The following TBC1D14 variants were observed in gnomAD, a reference collection of about 807,000 sequenced individuals.
The protein encoded by TBC1D14 is TBC1 domain family member 14.
TBC1D14 carries 26 observed loss-of-function variants against 79.0 expected under a neutral mutation model. The ratio of observed to expected loss-of-function variants is 0.33; its 90% confidence interval spans 0.24 to 0.46. TBC1D14 has a LOEUF of 0.46. Ranked by LOEUF, TBC1D14 falls within the 20% of genes least tolerant of loss-of-function variation. The pLI is 1.00. For synonymous variants in TBC1D14, 394 were observed against 349.9 expected, an observed-to-expected ratio of 1.13 and a Z score of -1.40; for missense variants, 769 against 887.6, an observed-to-expected ratio of 0.87 and a Z score of 1.70.
chr4:6,924,256 C>G (rs1194903550), intron 2 of TBC1D14, 145 bp downstream of exon 2: 7 of 995,118 alleles, frequency 7.0e-6, no homozygotes, highest in Non-Finnish European at 9.6e-6. Context: ...CCCAGAAGCC[C>G]GGAATCCTGT....
chr4:6,930,638 A>G (rs1165927959), intron 2 of TBC1D14, among the ~76,000 whole-genome samples: 1 of 152,174 alleles, frequency 6.6e-6, no homozygotes, highest in Admixed American at 6.5e-5. Flanking sequence ...TCTTTACTAA[A>G]AATACAAAAA....
chr4:7,007,607 G>GC, intron 9 of TBC1D14: 1 of 1,289,282 alleles, frequency 7.8e-7, no homozygotes, highest in Non-Finnish European at 1.0e-6. Flanking sequence ...AGCTCCAGCA[G>GC]CTTTGGTCCT....
intron 3 of TBC1D14, among the ~76,000 whole-genome samples, chr4:6,976,110 A>C (rs535424069): frequency 1.3e-5 from 2 of 152,292 alleles, no homozygotes; most frequent in African/African-American, 4.8e-5. Context: ...AAAAAACAGA[A>C]ATTATCCAGT....
intron 2 of TBC1D14, among the ~76,000 whole-genome samples, chr4:6,947,023 G>A (rs1205155183): frequency 1.3e-5 from 2 of 152,106 alleles, no homozygotes; most frequent in African/African-American, 4.8e-5. Flanking sequence ...TTTGTACTAA[G>A]TTACATGGGC....
intron 2 of TBC1D14, among the ~76,000 whole-genome samples, chr4:6,938,891 G>A (rs778070952): frequency 2.6e-5 from 4 of 152,200 alleles, no homozygotes; most frequent in Admixed American, 2.0e-4. Context: ...CCCTGCAGCC[G>A]CACTCTGAAG....
chr4:7,029,364 G>T (rs1042432709), intron 13 of TBC1D14, among the ~76,000 whole-genome samples: 1 of 152,238 alleles, frequency 6.6e-6, no homozygotes, highest in Non-Finnish European at 1.5e-5. Context: ...CTTTGAGCAC[G>T]TCACTTCCGT....
chr4:7,001,283 C>T, intron 7 of TBC1D14, 32 bp downstream of exon 7: 3 of 1,553,416 alleles, frequency 1.9e-6, no homozygotes, highest in South Asian at 1.1e-5. Context: ...GGGGAGTCCA[C>T]CTCCAGGCCC....
At chr4:6,998,455 A>T (rs890809490) in intron 5 of TBC1D14, among the ~76,000 whole-genome samples, 13 of 151,900 alleles carry the variant, frequency 8.6e-5, no homozygotes, top group African/African-American at 3.1e-4. Context: ...AGGGACTTCC[A>T]GAGTTCCAGT....
At chr4:6,954,807 G>T (rs968874520) in intron 2 of TBC1D14, among the ~76,000 whole-genome samples, 19 of 152,246 alleles carry the variant, frequency 1.2e-4, no homozygotes, top group Non-Finnish European at 2.4e-4. Context: ...GTTTTGCCAT[G>T]TTGGCCAGGT....
chr4:6,929,649 C>G (rs1278776718), intron 2 of TBC1D14, among the ~76,000 whole-genome samples: 1 of 152,108 alleles, frequency 6.6e-6, no homozygotes, highest in African/African-American at 2.4e-5. Context: ...ATGGTAGACG[C>G]CCAGATGGGG....
intron 2 of TBC1D14, among the ~76,000 whole-genome samples, chr4:6,943,510 G>A (rs370185930): frequency 6.6e-6 from 1 of 152,248 alleles, no homozygotes; most frequent in Non-Finnish European, 1.5e-5. Context: ...CTGGCCACCA[G>A]TGGTGCCAGT....
intron 2 of TBC1D14, among the ~76,000 whole-genome samples, chr4:6,955,166 CT>C: frequency 6.6e-6 from 1 of 152,316 alleles, no homozygotes; most frequent in Admixed American, 6.5e-5. Context: ...AGGGCTGGCC[CT>C]TTTCCCTTGC....
intron 8 of TBC1D14, among the ~76,000 whole-genome samples, chr4:7,005,489 C>T (rs1309989410): frequency 2.0e-5 from 3 of 152,048 alleles, no homozygotes; most frequent in Admixed American, 6.5e-5. Context: ...GAGCCAAGAC[C>T]GTGCCACTGC....
At chr4:7,024,975 T>C in intron 12 of TBC1D14, 29 bp from the exon 13 acceptor site, 1 of 1,609,852 alleles carries the variant, frequency 6.2e-7, no homozygotes. Context: ...AGATTCAAAA[T>C]CTGAAAAATT....
At chr4:7,004,751 T>A in intron 7 of TBC1D14, 93 bp from the exon 8 acceptor site, 1 of 1,167,980 alleles carries the variant, frequency 8.6e-7, no homozygotes, top group South Asian at 1.3e-5. Context: ...ATAGTTGAAC[T>A]TAAGTATTTG....
chr4:7,001,211 C>A lies in TBC1D14; in HGVS notation c.1230C>A (p.Val410=), dbSNP rs756746627. The change falls in exon 7 of 14, where the codon GTC becomes GTA. Residue 410 remains valine, a synonymous_variant. Coordinates refer to ENST00000409757, the MANE Select transcript of TBC1D14 (RefSeq NM_020773.3). ...QGIPPSVRGK[V]WSLAIGNELN... ...TCCCTCCAAGTGTGAGAGGCAAAGT[C>A]TGGAGCTTAGCCATTGGCAACGAGT... is the stretch of plus-strand genomic sequence containing the variant. 6.2e-7 allele frequency: 1 copy of A among 1,614,002 alleles called. No individual in the cohort carries two copies. Among genetic ancestry groups the A allele is most frequent in the African/African-American group, 1.3e-5 (1 of 74,920 alleles).
chr4:6,978,069 T>TGGG (rs747192899), intron 3 of TBC1D14, among the ~76,000 whole-genome samples: 5 of 144,412 alleles, frequency 3.5e-5, no homozygotes, highest in African/African-American at 5.2e-5. Context: ...GGGAGGGAGG[T>TGGG]GGGGGTCAGC....
chr4:6,932,015 A>G (rs995764597), intron 2 of TBC1D14, among the ~76,000 whole-genome samples: 1 of 152,038 alleles, frequency 6.6e-6, no homozygotes, highest in Admixed American at 6.6e-5. Context: ...CAAGTTACAC[A>G]ATGAATAGAC....
At chr4:7,028,714 C>T (rs1722729830) in intron 13 of TBC1D14, among the ~76,000 whole-genome samples, 1 of 152,040 alleles carries the variant, frequency 6.6e-6, no homozygotes. Context: ...CGTGAGCCAC[C>T]ACACCTGGTC....
Sources: gnomAD v4.1 joint callset for allele counts (sites outside exome capture counted in the v4.1 genomes callset) on GRCh38, gnomAD v4.1.1 for gene constraint, MANE v1.5 for transcripts, NCBI Gene and HGNC (gene_info 2026-07-23, HGNC 2026-07-21) for gene names.